The following RNF128 variants were observed in gnomAD, a reference collection of about 807,000 sequenced individuals.
RNF128 encodes E3 ubiquitin-protein ligase RNF128.
A neutral mutation model predicts 26.2 loss-of-function variants in RNF128; 13 were observed. That is an observed-to-expected ratio of 0.50 (90% CI 0.32 to 0.79). The LOEUF is 0.79. RNF128 is among the 30% of genes least tolerant of loss of function. RNF128 has a pLI of 0.03. For synonymous variants in RNF128, 149 were observed against 142.5 expected (o/e 1.05, Z -0.32); for missense variants, 315 against 349.7 (o/e 0.90, Z 0.79).
At chrX:106,750,907 A>G (rs998899627) in intron 1 of RNF128, among the ~76,000 whole-genome samples, 1 of 112,071 alleles carries the variant, frequency 8.9e-6, no homozygotes, top group African/African-American at 3.2e-5. Flanking sequence ...AAAAATTGCA[A>G]CAGTTTAGAA....
chrX:106,780,903 C>T (rs756316767), intron 2 of RNF128, among the ~76,000 whole-genome samples: 1 of 112,155 alleles, frequency 8.9e-6, no homozygotes, highest in Non-Finnish European at 1.9e-5. Context: ...ATTAAAATAG[C>T]TATTTCACAA....
At position 106,745,317 on chromosome X, in the gene RNF128, C is replaced by T. The variant is rs772465863; in HGVS notation, c.484+17920C>T. Reference sequence around the variant, plus strand: ...AAGGTGATTTGGGTCACATTCCCTGCGATACACCCTCCCTCCAAAAGATGA... The same window carrying T: ...AAGGTGATTTGGGTCACATTCCCTGTGATACACCCTCCCTCCAAAAGATGA... On this transcript the variant is annotated intron_variant, in intron 1 of 6. Transcript: ENST00000255499. 1.4e-3 allele frequency among the ~76,000 whole-genome samples: 153 copies of T among 111,379 alleles called. 2 individuals are homozygous for T. The highest frequency in any genetic ancestry group is 4.5e-3 in the African/African-American group (140 of 30,789).
intron 1 of RNF128, among the ~76,000 whole-genome samples, chrX:106,708,254 T>C (rs941540715): frequency 3.6e-5 from 4 of 111,881 alleles, no homozygotes; most frequent in African/African-American, 1.3e-4. Flanking sequence ...CATGACTTCT[T>C]TGTAGGCTGT....
chrX:106,737,386 C>A (rs1323340632), intron 1 of RNF128, among the ~76,000 whole-genome samples: 1 of 110,677 alleles, frequency 9.0e-6, no homozygotes, highest in African/African-American at 3.3e-5. Context: ...CCCGCATATA[C>A]TAAAATCCAC....
chrX:106,707,032 A>C (rs1445395971), intron 1 of RNF128, among the ~76,000 whole-genome samples: 1 of 112,136 alleles, frequency 8.9e-6, no homozygotes, highest in Non-Finnish European at 1.9e-5. Flanking sequence ...GCACCTATTC[A>C]AAATTTACAT....
exon 1 of RNF128, chrX:106,693,963 T>C (rs200615106): frequency 4.5e-5 from 50 of 1,115,600 alleles, no homozygotes; most frequent in Non-Finnish European, 5.5e-5. Flanking sequence ...GTTGGAAATA[T>C]CAGCAAACAT....
chrX:106,765,021 T>C (rs1930192485), intron 1 of RNF128, among the ~76,000 whole-genome samples: 1 of 111,619 alleles, frequency 9.0e-6, no homozygotes, highest in Non-Finnish European at 1.9e-5. Context: ...TATACTGATA[T>C]TGGAAGAAAA....
At chrX:106,719,198 G>GA (rs1351718357) in intron 1 of RNF128, among the ~76,000 whole-genome samples, 68 of 98,392 alleles carry the variant, frequency 6.9e-4, no homozygotes, top group African/African-American at 2.5e-3. Flanking sequence ...ATTGCCTGTA[G>GA]ATTAAAAAAA....
chrX:106,793,478 A>G (rs1249665181), intron 6 of RNF128, among the ~76,000 whole-genome samples: 1 of 111,722 alleles, frequency 9.0e-6, no homozygotes, highest in Non-Finnish European at 1.9e-5. Flanking sequence ...ACATATAACC[A>G]TATACAATTA....
At chrX:106,750,392 A>G (rs1029631297) in intron 1 of RNF128, among the ~76,000 whole-genome samples, 1 of 112,274 alleles carries the variant, frequency 8.9e-6, no homozygotes, top group Non-Finnish European at 1.9e-5. Flanking sequence ...TCTGGGTACA[A>G]ATACCATTTC....
At chrX:106,712,642 C>A (rs1160684742) in intron 1 of RNF128, among the ~76,000 whole-genome samples, 2 of 110,849 alleles carry the variant, frequency 1.8e-5, no homozygotes, top group Non-Finnish European at 3.8e-5. Context: ...GCTATTTTTC[C>A]CATCATAGTA....
chrX:106,727,247 G>A lies in RNF128; in HGVS notation c.334G>A (p.Val112Met), dbSNP rs1217956655. 3.3e-6 allele frequency: 4 copies of A among 1,210,085 alleles called. No homozygotes were observed. Among genetic ancestry groups the A allele is most frequent in the African/African-American group, 3.5e-5 (2 of 57,376 alleles). Residue 112 changes from valine (V) to methionine (M), a missense_variant, in exon 1 of 7, where the codon GTG becomes ATG. Coordinates refer to ENST00000255499, the MANE Select transcript of RNF128 (RefSeq NM_194463.2). The part of the protein sequence containing the change: ...FTVPTVWGST[V>M]QVSWLALIQR... ...GGTGCCCACGGTTTGGGGAAGCACC[G>A]TGCAAGTCTCTTGGTTGGCCCTCAT...
chrX:106,742,646 C>T (rs1176927774), intron 1 of RNF128, among the ~76,000 whole-genome samples: 4 of 111,441 alleles, frequency 3.6e-5, no homozygotes, highest in Non-Finnish European at 5.6e-5. Context: ...ATAATACTTA[C>T]ACATTGTTTG....
At chrX:106,764,002 G>T (rs761327244) in intron 1 of RNF128, among the ~76,000 whole-genome samples, 8 of 107,627 alleles carry the variant, frequency 7.4e-5, no homozygotes, top group Non-Finnish European at 1.1e-4. Context: ...TCGCTCTGTC[G>T]CCCAGGCTGG....
At chrX:106,738,168 T>A (rs538998444) in intron 1 of RNF128, among the ~76,000 whole-genome samples, 1 of 111,713 alleles carries the variant, frequency 9.0e-6, no homozygotes, top group South Asian at 3.8e-4. Context: ...TCAGACAGCT[T>A]GATTTGAATT....
At chrX:106,754,135 G>C (rs1314677120) in intron 1 of RNF128, among the ~76,000 whole-genome samples, 1 of 112,243 alleles carries the variant, frequency 8.9e-6, no homozygotes, top group African/African-American at 3.2e-5. Context: ...TCATCCAACA[G>C]CTACAGAAGA....
At chrX:106,745,431 C>G (rs893378063) in intron 1 of RNF128, among the ~76,000 whole-genome samples, 12 of 111,626 alleles carry the variant, frequency 1.1e-4, no homozygotes, top group Non-Finnish European at 1.7e-4. Context: ...TAGATTTTAA[C>G]AAAAGGCTAG....
At chrX:106,767,833 A>G (rs1930281785) in intron 1 of RNF128, among the ~76,000 whole-genome samples, 1 of 111,786 alleles carries the variant, frequency 8.9e-6, no homozygotes. Context: ...CCCATTCTGT[A>G]TAATATTGGC....
chrX:106,699,164 GC>G (rs1928915573), intron 1 of RNF128, among the ~76,000 whole-genome samples: 1 of 111,532 alleles, frequency 9.0e-6, no homozygotes, highest in Admixed American at 9.5e-5. Flanking sequence ...TGCTATTCTC[GC>G]CCCTCTGTAG....
Sources: gnomAD v4.1 joint callset for allele counts (sites outside exome capture counted in the v4.1 genomes callset) on GRCh38, gnomAD v4.1.1 for gene constraint, MANE v1.5 for transcripts, NCBI Gene and HGNC (gene_info 2026-07-23, HGNC 2026-07-21) for gene names.